ARHGAP5: variants seen among roughly 807,000 people sequenced by gnomAD.
ARHGAP5 encodes the protein rho GTPase-activating protein 5.
In ARHGAP5, 23 loss-of-function variants were observed where a neutral mutation model predicts 116.6. That is an observed-to-expected ratio of 0.20 (90% CI 0.14 to 0.28). The LOEUF (loss-of-function observed/expected upper bound fraction) is 0.28, where lower values mean the gene tolerates loss of function less well. ARHGAP5 is among the 10% of genes least tolerant of loss of function. The pLI is 1.00. For missense variants in ARHGAP5, 1,405 were observed against 1,774.8 expected (o/e 0.79, Z 3.74); for synonymous variants, 574 against 602.0 (o/e 0.95, Z 0.68).
chr14:32,090,465 G>C, intron 1 of ARHGAP5, 37 bp from the exon 2 acceptor site: 1 of 505,360 alleles, frequency 2.0e-6, no homozygotes, highest in East Asian at 3.0e-5. Context: ...TATGTAATTT[G>C]TGATTAAGAT....
chr14:32,151,622 A>C (rs910045185), intron 5 of ARHGAP5, among the ~76,000 whole-genome samples: 3 of 152,160 alleles, frequency 2.0e-5, no homozygotes, highest in South Asian at 4.1e-4. Flanking sequence ...GTTTTATTGG[A>C]GTATAGCCAC....
intron 2 of ARHGAP5, among the ~76,000 whole-genome samples, chr14:32,097,438 T>C (rs916637763): frequency 6.6e-6 from 1 of 152,178 alleles, no homozygotes; most frequent in Non-Finnish European, 1.5e-5. Flanking sequence ...TAACAATTCT[T>C]GGGAAAACTG....
Position 32,154,898 on chromosome 14 carries a change from C to T in ARHGAP5, c.4459C>T (p.Pro1487Ser), listed in dbSNP as rs1457784193. The T allele has an allele frequency of 1.9e-6, 3 of 1,613,852 alleles. No homozygotes were observed. The highest frequency in any genetic ancestry group is 1.3e-5 in the African/African-American group (1 of 74,918). Residue 1487 changes from proline to serine, a missense_variant, in exon 7 of 7, where the codon CCT (proline) becomes TCT (serine). Transcript: ENST00000345122. ...VPLQLPPPLQ[P>S]QLIQPQLQTD... ...ACTTCAGTTGCCGCCACCATTGCAACCTCAGCTGATACAACCACAATTACA... is the reference window on the plus strand; with the variant it reads ...ACTTCAGTTGCCGCCACCATTGCAATCTCAGCTGATACAACCACAATTACA...
chr14:32,098,040 T>G (rs1878618081), intron 2 of ARHGAP5, among the ~76,000 whole-genome samples: 1 of 152,240 alleles, frequency 6.6e-6, no homozygotes, highest in South Asian at 2.1e-4. Context: ...TTCTTCATAC[T>G]GAGCTCTAGA....
intron 1 of ARHGAP5, among the ~76,000 whole-genome samples, chr14:32,086,026 C>T (rs1189435940): frequency 6.6e-6 from 1 of 152,058 alleles, no homozygotes; most frequent in East Asian, 1.9e-4. Context: ...TTTTGATATA[C>T]TGGTGAAATA....
intron 3 of ARHGAP5, 39 bp downstream of exon 3, chr14:32,117,326 A>G: frequency 6.6e-7 from 1 of 1,525,012 alleles, no homozygotes; most frequent in Non-Finnish European, 8.9e-7. Flanking sequence ...TTGATTTTAA[A>G]TTTCACTTTT....
chr14:32,115,241 C>G (rs994340905), intron 2 of ARHGAP5, among the ~76,000 whole-genome samples: 1 of 152,262 alleles, frequency 6.6e-6, no homozygotes, highest in African/African-American at 2.4e-5. Flanking sequence ...GATGTTCATT[C>G]TTTGGCTAAG....
intron 2 of ARHGAP5, 80 bp downstream of exon 2, chr14:32,094,466 T>A: frequency 1.9e-6 from 2 of 1,065,292 alleles, no homozygotes; most frequent in Non-Finnish European, 2.7e-6. Context: ...AGTGTTAGAA[T>A]TTAGTCTCAT....
At chr14:32,131,789 G>A (rs543297012) in intron 3 of ARHGAP5, among the ~76,000 whole-genome samples, 3 of 151,786 alleles carry the variant, frequency 2.0e-5, no homozygotes, top group African/African-American at 7.3e-5. Context: ...CTGTGTCCAC[G>A]TGTTCTCATT....
At chr14:32,135,197 T>C (rs1880723421) in intron 3 of ARHGAP5, among the ~76,000 whole-genome samples, 3 of 152,200 alleles carry the variant, frequency 2.0e-5, no homozygotes, top group Admixed American at 2.0e-4. Flanking sequence ...ATACCAAACT[T>C]TCATTGCCCA....
rs1354714794 is a variant in ARHGAP5 at position 32,156,350 on chromosome 14, A to G, written c.*1402A>G. ...AAGATTATCTTATGTGTATTATAGT[A>G]AATAGATGATTTTCAGATTCAAGGC... On this transcript the variant is annotated 3_prime_UTR_variant, in exon 7 of 7. Transcript: ENST00000345122. 6.6e-6 allele frequency: 1 copy of G among 152,360 alleles called. No individual in the cohort carries two copies. Among genetic ancestry groups the G allele is most frequent in the East Asian group, 1.9e-4 (1 of 5,202 alleles). 9.4% of individuals were successfully genotyped at this position (152,360 alleles called of 1,614,324 possible). A position where few individuals can be genotyped will look rare whatever the true frequency, so the allele number is the denominator to read the frequency against.
chr14:32,126,971 T>TA (rs1030843628), intron 3 of ARHGAP5, among the ~76,000 whole-genome samples: 55 of 141,972 alleles, frequency 3.9e-4, no homozygotes, highest in African/African-American at 6.9e-4. Context: ...TTTACCACAA[T>TA]AAAAAAAAAA....
intron 2 of ARHGAP5, among the ~76,000 whole-genome samples, chr14:32,114,814 A>T: frequency 6.6e-6 from 1 of 152,194 alleles, no homozygotes; most frequent in Non-Finnish European, 1.5e-5. Context: ...CAAAAGACAG[A>T]CTTCCAGAAA....
At chr14:32,103,516 C>A (rs1878881251) in intron 2 of ARHGAP5, among the ~76,000 whole-genome samples, 1 of 152,156 alleles carries the variant, frequency 6.6e-6, no homozygotes, top group Non-Finnish European at 1.5e-5. Flanking sequence ...TTACTCATTT[C>A]TGCAGCAGAT....
In ARHGAP5 at chr14:32,101,970, G is replaced by A. The variant is rs540203351; in HGVS notation, c.3717+7584G>A. 5.5e-4 allele frequency among the ~76,000 whole-genome samples: 83 copies of A among 151,868 alleles called. 2 individuals are homozygous for A. Among genetic ancestry groups the A allele is most frequent in the African/African-American group, 1.9e-3 (79 of 41,412 alleles). ...TGCACTCCAGCCTGGGCGACAGAGC[G>A]AGACTCCAAAAAGAAAAAAAAAAGC... On this transcript the variant is annotated intron_variant, in intron 2 of 6. Transcript: ENST00000345122.
chr14:32,131,297 T>A (rs564727551), intron 3 of ARHGAP5, among the ~76,000 whole-genome samples: 4 of 151,964 alleles, frequency 2.6e-5, no homozygotes, highest in East Asian at 3.9e-4. Context: ...ATTTTATTTT[T>A]GCATTTCTAA....
rs116464246 is a variant in ARHGAP5 at position 32,152,383 on chromosome 14, G to A, written c.4076-40G>A. 3,690 of 1,334,190 alleles carry A rather than the reference G, an allele frequency of 2.8e-3. 75 individuals carry two copies. In the African/African-American group the frequency reaches 0.045, roughly 16 times the overall value. The allele number at this position is 1,334,190 out of a possible 1,614,324, so 82.6% of individuals were successfully genotyped here. A position where few individuals can be genotyped will look rare whatever the true frequency, so the allele number is the denominator to read the frequency against. On this transcript the variant is annotated intron_variant, in intron 5 of 6. Transcript: ENST00000345122. Reference sequence around the variant, plus strand: ...AGCTTTATCAAATATTTTTAAATGTGTAAGTTTTACACAGATTCTTCACTG... The same window carrying A: ...AGCTTTATCAAATATTTTTAAATGTATAAGTTTTACACAGATTCTTCACTG...
In ARHGAP5 at chr14:32,155,982, C is replaced by G. The variant is rs932191310; in HGVS notation, c.*1034C>G. 1 of 152,420 alleles carries G rather than the reference C, an allele frequency of 6.6e-6. No individual in the cohort carries two copies. Among genetic ancestry groups the G allele is most frequent in the Non-Finnish European group, 1.5e-5 (1 of 67,924 alleles). The allele number at this position is 152,420 out of a possible 1,614,324, so 9.4% of individuals were successfully genotyped here. ...TAAAAAATATCCAAAAAACCCATTG[C>G]TAATATAGCAATAAAAATACTTTGG... On this transcript the variant is annotated 3_prime_UTR_variant, in exon 7 of 7. Transcript: ENST00000345122.
intron 4 of ARHGAP5, among the ~76,000 whole-genome samples, chr14:32,148,416 A>T (rs982733515): frequency 6.6e-6 from 1 of 152,082 alleles, no homozygotes; most frequent in African/African-American, 2.4e-5. Flanking sequence ...CAATTTCTTC[A>T]TGTCTAGTAT....
Sources: gnomAD v4.1 joint callset for allele counts (sites outside exome capture counted in the v4.1 genomes callset) on GRCh38, gnomAD v4.1.1 for gene constraint, MANE v1.5 for transcripts, NCBI Gene and HGNC (gene_info 2026-07-23, HGNC 2026-07-21) for gene names.